Variants in MARCHF1 observed in about 807,000 individuals in gnomAD.
The protein encoded by MARCHF1 is membrane associated ring-CH-type finger 1.
A neutral mutation model predicts 54.2 loss-of-function variants in MARCHF1; 40 were observed. The observed-to-expected ratio is 0.74, with a 90% confidence interval of 0.57 to 0.96. The LOEUF is 0.96. Ranked by LOEUF, MARCHF1 falls within the 40% of genes least tolerant of loss-of-function variation. The probability of loss-of-function intolerance (pLI) is 0.00; values close to 1 mark genes in which losing one functional copy is unlikely to be tolerated. For synonymous variants in MARCHF1, 236 were observed against 236.3 expected, an observed-to-expected ratio of 1.00 and a Z score of 0.01; for missense variants, 586 against 656.5, an observed-to-expected ratio of 0.89 and a Z score of 1.17.
intron 2 of MARCHF1, among the ~76,000 whole-genome samples, chr4:164,109,191 T>C (rs907120584): frequency 2.0e-5 from 3 of 152,036 alleles, no homozygotes; most frequent in Non-Finnish European, 4.4e-5. Context: ...GAATGTAAAA[T>C]AGTAACTAAT....
intron 1 of MARCHF1, among the ~76,000 whole-genome samples, chr4:164,194,156 C>T (rs1462913701): frequency 2.0e-5 from 3 of 152,152 alleles, no homozygotes; most frequent in Non-Finnish European, 2.9e-5. Flanking sequence ...AATGTTTGTT[C>T]TCATGACTAC....
At chr4:163,673,499 T>C (rs1311972507) in intron 5 of MARCHF1, among the ~76,000 whole-genome samples, 4 of 152,146 alleles carry the variant, frequency 2.6e-5, no homozygotes, top group Non-Finnish European at 5.9e-5. Flanking sequence ...AGTTTTTTTA[T>C]ACTCAAACAA....
At chr4:163,577,551 A>G (rs1024883379) in intron 8 of MARCHF1, among the ~76,000 whole-genome samples, 1 of 152,024 alleles carries the variant, frequency 6.6e-6, no homozygotes, top group African/African-American at 2.4e-5. Flanking sequence ...TCTGGTCACT[A>G]CATGCCTCAG....
intron 1 of MARCHF1, among the ~76,000 whole-genome samples, chr4:164,222,567 C>T (rs1732144599): frequency 6.6e-6 from 1 of 151,332 alleles, no homozygotes; most frequent in African/African-American, 2.4e-5. Context: ...GGCAGTTCTA[C>T]AGAGTCAGGC....
At chr4:163,577,501 C>T (rs1189991456) in intron 8 of MARCHF1, among the ~76,000 whole-genome samples, 2 of 152,028 alleles carry the variant, frequency 1.3e-5, no homozygotes, top group Admixed American at 1.3e-4. Flanking sequence ...TTTTCTCTAG[C>T]TGCCTTTAAG....
At chr4:164,016,125 G>A (rs565117092) in intron 2 of MARCHF1, among the ~76,000 whole-genome samples, 31 of 152,116 alleles carry the variant, frequency 2.0e-4, no homozygotes, top group Admixed American at 8.5e-4. Context: ...TTTTCAGACT[G>A]CTATAAAGAA....
At chr4:164,289,595 A>AC (rs1215165778) in intron 1 of MARCHF1, among the ~76,000 whole-genome samples, 1 of 151,524 alleles carries the variant, frequency 6.6e-6, no homozygotes, top group African/African-American at 2.4e-5. Context: ...GAAAAAAAAA[A>AC]AAAAAAAAAA....
intron 3 of MARCHF1, among the ~76,000 whole-genome samples, chr4:163,910,956 T>G (rs1751176305): frequency 3.3e-5 from 5 of 152,224 alleles, no homozygotes; most frequent in Admixed American, 3.3e-4. Flanking sequence ...AAAAATAACA[T>G]GAATGAATAT....
chr4:163,679,771 C>T (rs1237716713), intron 5 of MARCHF1, among the ~76,000 whole-genome samples: 1 of 151,972 alleles, frequency 6.6e-6, no homozygotes, highest in Admixed American at 6.6e-5. Context: ...CACCACCACG[C>T]CCGGCTAATT....
chr4:163,914,091 G>GAT (rs34143895), intron 3 of MARCHF1, among the ~76,000 whole-genome samples: 60,274 of 151,826 alleles, frequency 0.4, 12,134 homozygotes, highest in East Asian at 0.47. Flanking sequence ...GAAAAATTGT[G>GAT]TTTTTTTCCA....
chr4:164,004,414 G>C (rs1454255902), intron 2 of MARCHF1, among the ~76,000 whole-genome samples: 1 of 151,906 alleles, frequency 6.6e-6, no homozygotes, highest in East Asian at 1.9e-4. Context: ...AAAAGTAGAA[G>C]TAAACTAATC....
intron 2 of MARCHF1, among the ~76,000 whole-genome samples, chr4:164,018,334 A>G (rs1753590253): frequency 6.6e-6 from 1 of 152,044 alleles, no homozygotes; most frequent in African/African-American, 2.4e-5. Flanking sequence ...ACACTGTTAA[A>G]GAAATGAAAA....
chr4:163,593,201 G>C (rs892905784), intron 7 of MARCHF1, among the ~76,000 whole-genome samples: 1 of 152,142 alleles, frequency 6.6e-6, no homozygotes, highest in African/African-American at 2.4e-5. Context: ...CGAAGGTTAT[G>C]ATTTTCTCTA....
intron 9 of MARCHF1, among the ~76,000 whole-genome samples, chr4:163,533,141 C>T (rs903963217): frequency 6.0e-5 from 9 of 151,240 alleles, no homozygotes; most frequent in Non-Finnish European, 1.2e-4. Flanking sequence ...AACTGTGATA[C>T]ATCCATGTAA....
intron 3 of MARCHF1, among the ~76,000 whole-genome samples, chr4:163,917,347 T>G (rs1751332389): frequency 6.6e-6 from 1 of 152,160 alleles, no homozygotes; most frequent in African/African-American, 2.4e-5. Flanking sequence ...AGTACTATTT[T>G]GTCTTCCAAC....
intron 2 of MARCHF1, among the ~76,000 whole-genome samples, chr4:164,059,546 T>C (rs1329589491): frequency 6.6e-6 from 1 of 152,176 alleles, no homozygotes; most frequent in African/African-American, 2.4e-5. Context: ...GGCAGAAAAC[T>C]CTTACCTATA....
At chr4:164,315,781 TATA>T (rs1482483760) in intron 1 of MARCHF1, among the ~76,000 whole-genome samples, 3 of 152,190 alleles carry the variant, frequency 2.0e-5, no homozygotes, top group Non-Finnish European at 2.9e-5. Flanking sequence ...CTAGGTCATA[TATA>T]ATAATAATCT....
intron 4 of MARCHF1, among the ~76,000 whole-genome samples, chr4:163,803,382 C>A (rs573860606): frequency 5.3e-5 from 8 of 149,700 alleles, no homozygotes; most frequent in African/African-American, 7.6e-5. Context: ...CATGTTGGCC[C>A]GGCTGGTCTT....
At chr4:163,713,531 T>C (rs1745169381) in intron 4 of MARCHF1, among the ~76,000 whole-genome samples, 1 of 152,190 alleles carries the variant, frequency 6.6e-6, no homozygotes, top group South Asian at 2.1e-4. Flanking sequence ...GAACATAATG[T>C]GCTACACAAA....
Sources: allele counts gnomAD v4.1 joint callset (sites outside exome capture counted in the v4.1 genomes callset), GRCh38; gene constraint gnomAD v4.1.1; transcripts MANE v1.5; gene names NCBI Gene and HGNC (gene_info 2026-07-23, HGNC 2026-07-21).